Variants in SNTG1 observed in about 807,000 individuals in gnomAD.
SNTG1 encodes the protein syntrophin gamma 1, also known as gamma-1-syntrophin.
In SNTG1, 39 loss-of-function variants were observed where a neutral mutation model predicts 74.7. That is an observed-to-expected ratio of 0.52 (90% CI 0.40 to 0.68). The LOEUF (loss-of-function observed/expected upper bound fraction) is 0.68, where lower values mean the gene tolerates loss of function less well. Among genes scored for constraint, SNTG1 ranks in the 30% least tolerant of loss-of-function variants. The pLI, the probability that SNTG1 is intolerant of heterozygous loss-of-function variation, is 0.00. For synonymous variants in SNTG1, 254 were observed against 217.1 expected (o/e 1.17, Z -1.49); for missense variants, 685 against 609.5 (o/e 1.12, Z -1.30).
At chr8:50,694,412 CAAT>C (rs2095395752) in intron 15 of SNTG1, among the ~76,000 whole-genome samples, 1 of 151,960 alleles carries the variant, frequency 6.6e-6, no homozygotes. Flanking sequence ...GTGAAGAGAA[CAAT>C]AATGAGTGAG....
At chr8:50,453,136 AAC>A (rs950470383) in intron 8 of SNTG1, among the ~76,000 whole-genome samples, 2 of 152,186 alleles carry the variant, frequency 1.3e-5, no homozygotes, top group African/African-American at 4.8e-5. Flanking sequence ...TTTACTGTCA[AAC>A]AGTCTTCAAA....
intron 1 of SNTG1, among the ~76,000 whole-genome samples, chr8:50,157,518 A>G (rs568573200): frequency 4.5e-4 from 68 of 152,266 alleles, no homozygotes; most frequent in African/African-American, 1.5e-3. Context: ...TCAACACACA[A>G]TTAAAAACTT....
intron 13 of SNTG1, among the ~76,000 whole-genome samples, chr8:50,602,131 A>G (rs1338740878): frequency 6.6e-6 from 1 of 152,012 alleles, no homozygotes; most frequent in Non-Finnish European, 1.5e-5. Flanking sequence ...TATTATTGAT[A>G]AGTAAGGACT....
chr8:50,397,581 G>A (rs1161706410), intron 3 of SNTG1, among the ~76,000 whole-genome samples: 1 of 152,100 alleles, frequency 6.6e-6, no homozygotes, highest in Non-Finnish European at 1.5e-5. Flanking sequence ...TCTCTTACTC[G>A]TTTTTTCTCT....
chr8:50,713,830 C>G (rs541027066), intron 17 of SNTG1, among the ~76,000 whole-genome samples: 1 of 151,854 alleles, frequency 6.6e-6, no homozygotes, highest in Non-Finnish European at 1.5e-5. Context: ...AAGGCCAGGG[C>G]GGGCGGAACA....
chr8:50,285,441 G>A (rs2130486526), intron 2 of SNTG1, among the ~76,000 whole-genome samples: 1 of 152,252 alleles, frequency 6.6e-6, no homozygotes, highest in South Asian at 2.1e-4. Context: ...GTGAGACACG[G>A]TCTTAAGAAA....
chr8:50,297,274 C>A (rs2089430125), intron 2 of SNTG1, among the ~76,000 whole-genome samples: 1 of 152,080 alleles, frequency 6.6e-6, no homozygotes, highest in African/African-American at 2.4e-5. Context: ...CTTATACATG[C>A]ATGCCTGTGA....
At chr8:50,585,071 C>G (rs2094638931) in intron 12 of SNTG1, among the ~76,000 whole-genome samples, 1 of 152,104 alleles carries the variant, frequency 6.6e-6, no homozygotes, top group Admixed American at 6.5e-5. Context: ...TGTCTGCTAC[C>G]TGAAACAAGA....
chr8:50,558,578 G>A (rs2094469676), intron 12 of SNTG1, among the ~76,000 whole-genome samples: 1 of 151,208 alleles, frequency 6.6e-6, no homozygotes, highest in South Asian at 2.1e-4. Context: ...ATAGTTAGTT[G>A]CCTTTTGCAT....
At chr8:49,972,343 T>C (rs1248844587) in intron 1 of SNTG1, among the ~76,000 whole-genome samples, 3 of 152,196 alleles carry the variant, frequency 2.0e-5, no homozygotes, top group African/African-American at 4.8e-5. Context: ...ATCCCTTCCT[T>C]ACATCTTATA....
chr8:50,463,477 A>AAATT (rs2093584540), intron 8 of SNTG1, among the ~76,000 whole-genome samples: 2 of 152,202 alleles, frequency 1.3e-5, no homozygotes, highest in African/African-American at 4.8e-5. Context: ...CATGAAAACA[A>AAATT]AATTAATCTT....
intron 5 of SNTG1, among the ~76,000 whole-genome samples, chr8:50,445,522 A>T (rs2093398809): frequency 6.6e-6 from 1 of 152,162 alleles, no homozygotes; most frequent in Non-Finnish European, 1.5e-5. Flanking sequence ...CGTTGTGTAG[A>T]GTCATTCTCA....
intron 15 of SNTG1, among the ~76,000 whole-genome samples, chr8:50,688,898 G>A (rs1441278056): frequency 1.3e-5 from 2 of 151,936 alleles, no homozygotes; most frequent in African/African-American, 4.8e-5. Flanking sequence ...AGCATGGAAT[G>A]TTCTCCCATT....
intron 12 of SNTG1, among the ~76,000 whole-genome samples, chr8:50,587,256 G>T (rs2094656393): frequency 6.6e-6 from 1 of 151,054 alleles, no homozygotes; most frequent in East Asian, 1.9e-4. Flanking sequence ...ATATATATGT[G>T]TATATGTAAT....
At chr8:50,467,899 T>C (rs1050078107) in intron 8 of SNTG1, among the ~76,000 whole-genome samples, 51 of 152,072 alleles carry the variant, frequency 3.4e-4, no homozygotes, top group Admixed American at 7.9e-4. Context: ...TCACATGCTA[T>C]ATAGAAGAGT....
intron 2 of SNTG1, among the ~76,000 whole-genome samples, chr8:50,200,787 T>C (rs1012418336): frequency 6.6e-6 from 1 of 152,122 alleles, no homozygotes; most frequent in Non-Finnish European, 1.5e-5. Flanking sequence ...GCAATATTTA[T>C]ACATGTGTCA....
intron 11 of SNTG1, among the ~76,000 whole-genome samples, chr8:50,544,214 A>G (rs2094369307): frequency 6.6e-6 from 1 of 152,046 alleles, no homozygotes; most frequent in Admixed American, 6.6e-5. Context: ...ATTATCATAG[A>G]GCCATACATG....
chr8:50,323,558 G>A (rs918769039), intron 2 of SNTG1, among the ~76,000 whole-genome samples: 1 of 152,126 alleles, frequency 6.6e-6, no homozygotes. Flanking sequence ...TACTATGTTG[G>A]AGGTCTTGGA....
chr8:49,945,010 C>G (rs1350275790), intron 1 of SNTG1, among the ~76,000 whole-genome samples: 2 of 152,026 alleles, frequency 1.3e-5, no homozygotes, highest in Non-Finnish European at 2.9e-5. Context: ...GCTATATATT[C>G]TTACTTCTTT....
Sources: allele counts gnomAD v4.1 joint callset (sites outside exome capture counted in the v4.1 genomes callset), GRCh38; gene constraint gnomAD v4.1.1; transcripts MANE v1.5; gene names NCBI Gene and HGNC (gene_info 2026-07-23, HGNC 2026-07-21).